EPM2A: variants seen among roughly 807,000 people sequenced by gnomAD.
EPM2A encodes laforin.
In EPM2A, 21 loss-of-function variants were observed where a neutral mutation model predicts 26.5. The observed-to-expected ratio is 0.79, with a 90% CI of 0.56 to 1.14. The LOEUF is 1.14. Among genes scored for constraint, EPM2A ranks in the 50% most tolerant of loss-of-function variants. The pLI, the probability that EPM2A is intolerant of heterozygous loss-of-function variation, is 0.00. For missense variants in EPM2A, 458 were observed against 440.8 expected (o/e 1.04, Z -0.35); for synonymous variants, 217 against 177.6 (o/e 1.22, Z -1.76).
chr6:145,412,333 CA>C (rs1778655463), intron 4 of EPM2A, among the ~76,000 whole-genome samples: 1 of 151,812 alleles, frequency 6.6e-6, no homozygotes, highest in South Asian at 2.1e-4. Context: ...TCAAAGTACA[CA>C]TAATATACAC....
In EPM2A at chr6:145,735,281, T is replaced by C; in HGVS notation, c.218A>G (p.Gln73Arg). The change falls in exon 1 of 4, where the codon CAG (glutamine) becomes CGG (arginine). Residue 73 changes from glutamine (Q) to arginine (R), a missense_variant. Gln to Arg is a conservative substitution (Grantham distance 43). Coordinates refer to ENST00000367519, the MANE Select transcript of EPM2A (RefSeq NM_005670.4). ...EVELAAEEAA[Q>R]DGAEPGRVDT... ...CACGCGGCCCGGCTCCGCCCCGTCCTGCGCCGCCTCCTCGGCCGCCAGCTC... is the reference window on the plus strand; with the variant it reads ...CACGCGGCCCGGCTCCGCCCCGTCCCGCGCCGCCTCCTCGGCCGCCAGCTC... 1.4e-6 allele frequency: 2 copies of C among 1,468,376 alleles called. No individual in the cohort carries two copies. The highest frequency in any genetic ancestry group is 1.8e-6 in the Non-Finnish European group (2 of 1,102,530). The allele number at this position is 1,468,376 out of a possible 1,614,324, so 91.0% of individuals were successfully genotyped here. A position where few individuals can be genotyped will look rare whatever the true frequency, so the allele number is the denominator to read the frequency against.
chr6:145,594,465 T>A (rs1163776004), intron 2 of EPM2A, among the ~76,000 whole-genome samples: 2 of 151,752 alleles, frequency 1.3e-5, no homozygotes, highest in East Asian at 3.9e-4. Flanking sequence ...GATGCCACAT[T>A]AGCTTAATGC....
At chr6:145,416,793 C>T (rs1216610775) in intron 4 of EPM2A, among the ~76,000 whole-genome samples, 1 of 151,678 alleles carries the variant, frequency 6.6e-6, no homozygotes, top group Non-Finnish European at 1.5e-5. Flanking sequence ...ATTTGTTACA[C>T]AATAGACAAA....
chr6:145,699,808 AT>A (rs1368026586), intron 1 of EPM2A, among the ~76,000 whole-genome samples: 1 of 152,180 alleles, frequency 6.6e-6, no homozygotes, highest in Non-Finnish European at 1.5e-5. Context: ...GCATTTTTTA[AT>A]GCAAAGCATT....
chr6:145,500,394 C>A (rs1317867004), downstream of EPM2A, among the ~76,000 whole-genome samples: 1 of 152,174 alleles, frequency 6.6e-6, no homozygotes, highest in Non-Finnish European at 1.5e-5. Context: ...GGAAGTAGTA[C>A]CTTCAGCCTC....
intron 2 of EPM2A, among the ~76,000 whole-genome samples, chr6:145,528,210 A>C (rs1780305592): frequency 6.6e-6 from 1 of 152,164 alleles, no homozygotes; most frequent in Non-Finnish European, 1.5e-5. Flanking sequence ...ACTGCTAATG[A>C]AGAAGCTAAA....
exon 5 of EPM2A, chr6:145,383,958 T>C (rs906888991): frequency 3.4e-4 from 52 of 152,326 alleles, no homozygotes; most frequent in Non-Finnish European, 4.7e-4. Flanking sequence ...CATTAAATAA[T>C]GACAAGGTTA....
At chr6:145,429,235 A>G (rs1442893243) in intron 4 of EPM2A, among the ~76,000 whole-genome samples, 1 of 152,160 alleles carries the variant, frequency 6.6e-6, no homozygotes, top group Non-Finnish European at 1.5e-5. Context: ...TAACCATCCA[A>G]TCTAACCAAG....
chr6:145,443,688 T>C (rs1779096180), intron 4 of EPM2A, among the ~76,000 whole-genome samples: 3 of 152,144 alleles, frequency 2.0e-5, no homozygotes, highest in Admixed American at 6.5e-5. Context: ...CAGGGTGATA[T>C]GGTTTGGCTC....
At chr6:145,555,834 T>C (rs1214267919) in intron 2 of EPM2A, among the ~76,000 whole-genome samples, 1 of 152,112 alleles carries the variant, frequency 6.6e-6, no homozygotes, top group Non-Finnish European at 1.5e-5. Flanking sequence ...TCCCCCCACC[T>C]TCTGATTTTA....
At chr6:145,555,937 A>T (rs1233747105) in intron 2 of EPM2A, among the ~76,000 whole-genome samples, 3 of 152,186 alleles carry the variant, frequency 2.0e-5, no homozygotes, top group African/African-American at 7.2e-5. Context: ...AGCCTAGCAA[A>T]GAGGACAGCT....
chr6:145,586,326 TA>T (rs1176952687), intron 2 of EPM2A, among the ~76,000 whole-genome samples: 2 of 151,934 alleles, frequency 1.3e-5, no homozygotes, highest in Non-Finnish European at 2.9e-5. Context: ...AGCTCTTCTG[TA>T]AAAAAGAATT....
At chr6:145,559,286 G>A (rs996681420) in intron 2 of EPM2A, among the ~76,000 whole-genome samples, 1 of 152,080 alleles carries the variant, frequency 6.6e-6, no homozygotes, top group Non-Finnish European at 1.5e-5. Context: ...AAACAGACCA[G>A]AACTGAGTGG....
intron 1 of EPM2A, among the ~76,000 whole-genome samples, chr6:145,688,787 G>A (rs921032416): frequency 6.6e-6 from 1 of 152,122 alleles, no homozygotes; most frequent in African/African-American, 2.4e-5. Context: ...AGCTGAAAAG[G>A]AAAAGTAGGA....
intron 2 of EPM2A, among the ~76,000 whole-genome samples, chr6:145,538,541 T>C (rs1313855202): frequency 6.6e-6 from 1 of 152,230 alleles, no homozygotes; most frequent in Non-Finnish European, 1.5e-5. Flanking sequence ...TCTGGTTTCA[T>C]GAAGTGGAGT....
At chr6:145,544,314 A>AT (rs1349723657) in intron 2 of EPM2A, among the ~76,000 whole-genome samples, 1 of 152,110 alleles carries the variant, frequency 6.6e-6, no homozygotes, top group Non-Finnish European at 1.5e-5. Flanking sequence ...GGGTTTGTGA[A>AT]TTTTTTGCAG....
intron 4 of EPM2A, among the ~76,000 whole-genome samples, chr6:145,398,226 T>C (rs901048695): frequency 1.3e-5 from 2 of 152,196 alleles, no homozygotes; most frequent in African/African-American, 4.8e-5. Context: ...ACAGGATTTA[T>C]GGACTTTCTT....
intron 4 of EPM2A, among the ~76,000 whole-genome samples, chr6:145,447,335 T>C (rs1779139624): frequency 6.6e-6 from 1 of 152,186 alleles, no homozygotes; most frequent in Admixed American, 6.5e-5. Flanking sequence ...GCAATTCTTA[T>C]GAGCCAATAA....
intron 2 of EPM2A, among the ~76,000 whole-genome samples, chr6:145,532,140 A>C (rs1780365763): frequency 6.6e-6 from 1 of 152,228 alleles, no homozygotes; most frequent in African/African-American, 2.4e-5. Context: ...ACCCGGAATA[A>C]GAACAATGAC....
Sources: allele counts gnomAD v4.1 joint callset (sites outside exome capture counted in the v4.1 genomes callset), GRCh38; gene constraint gnomAD v4.1.1; transcripts MANE v1.5; gene names NCBI Gene and HGNC (gene_info 2026-07-23, HGNC 2026-07-21).